DGLUCY: variants seen among roughly 807,000 people sequenced by gnomAD.
The protein encoded by DGLUCY is D-glutamate cyclase, mitochondrial.
DGLUCY carries 58 observed loss-of-function variants against 58.5 expected under a neutral mutation model. That is an observed-to-expected ratio of 0.99 (90% CI 0.80 to 1.23). The LOEUF is 1.23. Among genes scored for constraint, DGLUCY ranks in the 50% most tolerant of loss-of-function variants. DGLUCY has a pLI of 0.00. For missense variants in DGLUCY, 779 were observed against 784.7 expected (o/e 0.99, Z 0.09); for synonymous variants, 325 against 314.1 (o/e 1.03, Z -0.37).
intron 1 of DGLUCY, among the ~76,000 whole-genome samples, chr14:91,101,057 C>T (rs1046285839): frequency 6.0e-5 from 9 of 151,240 alleles, no homozygotes; most frequent in Non-Finnish European, 1.0e-4. Flanking sequence ...GGCAACAGAG[C>T]GAGACTCCAT....
At chr14:91,136,511 C>A (rs2046344785) in intron 1 of DGLUCY, among the ~76,000 whole-genome samples, 1 of 151,508 alleles carries the variant, frequency 6.6e-6, no homozygotes, top group East Asian at 2.0e-4. Context: ...GGTGAAAACC[C>A]CTTGTCTACT....
chr14:91,086,943 G>A (rs1055016000), intron 1 of DGLUCY, among the ~76,000 whole-genome samples: 9 of 152,068 alleles, frequency 5.9e-5, no homozygotes, highest in African/African-American at 1.9e-4. Flanking sequence ...GGTAGAGATG[G>A]GGTTTCACCA....
At chr14:91,181,538 A>C in intron 8 of DGLUCY, 149 bp downstream of exon 8, 1 of 756,156 alleles carries the variant, frequency 1.3e-6, no homozygotes, top group Non-Finnish European at 2.1e-6. Flanking sequence ...TATAAATCTC[A>C]AAAAGACTAG....
intron 1 of DGLUCY, among the ~76,000 whole-genome samples, chr14:91,142,419 A>G (rs2046752510): frequency 6.6e-6 from 1 of 152,142 alleles, no homozygotes; most frequent in African/African-American, 2.4e-5. Flanking sequence ...ACTCTTTAGT[A>G]ACAGAAGACT....
intron 1 of DGLUCY, among the ~76,000 whole-genome samples, chr14:91,129,184 T>C (rs148925214): frequency 2.0e-5 from 3 of 152,264 alleles, no homozygotes; most frequent in African/African-American, 7.2e-5. Context: ...TCTATATACA[T>C]ATAAGCCATA....
intron 11 of DGLUCY, among the ~76,000 whole-genome samples, chr14:91,202,107 AAACTTTGTACTTTTCCAAGAG>A (rs2050611882): frequency 8.2e-6 from 1 of 122,276 alleles, no homozygotes; most frequent in South Asian, 2.5e-4. Flanking sequence ...TGTTTGCACA[AAACTTTGTACTTTTCCAAGAG>A]GCTTCACATT....
intron 5 of DGLUCY, 146 bp from the exon 6 acceptor site, chr14:91,173,143 C>T: frequency 1.1e-6 from 1 of 896,370 alleles, no homozygotes; most frequent in Non-Finnish European, 1.7e-6. Flanking sequence ...CTCCCTCTCT[C>T]TATGTCACAT....
upstream of DGLUCY, among the ~76,000 whole-genome samples, chr14:91,105,275 AC>A (rs947287020): frequency 6.6e-6 from 1 of 152,130 alleles, no homozygotes; most frequent in Non-Finnish European, 1.5e-5. Flanking sequence ...AAATCTCACC[AC>A]TGCACTCCAG....
chr14:91,116,449 G>A (rs2044948453), intron 1 of DGLUCY, among the ~76,000 whole-genome samples: 1 of 152,190 alleles, frequency 6.6e-6, no homozygotes, highest in Admixed American at 6.5e-5. Flanking sequence ...GGAAGACCAA[G>A]CTGTGTCTTT....
upstream of DGLUCY, among the ~76,000 whole-genome samples, chr14:91,111,716 A>C (rs1258821571): frequency 6.6e-6 from 1 of 152,252 alleles, no homozygotes; most frequent in East Asian, 1.9e-4. Flanking sequence ...TTGGGGCCTC[A>C]ATGCCATCAT....
intron 10 of DGLUCY, among the ~76,000 whole-genome samples, chr14:91,198,030 G>A (rs557167205): frequency 3.9e-5 from 6 of 152,296 alleles, no homozygotes; most frequent in African/African-American, 1.4e-4. Context: ...TGAGAGAGAT[G>A]TAAAAGTACA....
At chr14:91,118,346 C>T (rs749447055) in intron 1 of DGLUCY, among the ~76,000 whole-genome samples, 6 of 151,982 alleles carry the variant, frequency 3.9e-5, no homozygotes, top group African/African-American at 1.5e-4. Flanking sequence ...CCACCTGCCT[C>T]GGCCTCCTGA....
chr14:91,201,921 G>A (rs2050587689), intron 11 of DGLUCY, among the ~76,000 whole-genome samples: 1 of 151,934 alleles, frequency 6.6e-6, no homozygotes, highest in Non-Finnish European at 1.5e-5. Context: ...CAGGCATGGT[G>A]GTGGGCTCCT....
intron 1 of DGLUCY, among the ~76,000 whole-genome samples, chr14:91,100,273 G>A (rs959523369): frequency 6.6e-6 from 1 of 152,096 alleles, no homozygotes; most frequent in African/African-American, 2.4e-5. Context: ...GTGGGTGTTA[G>A]GGGCTATTTT....
At chr14:91,169,430 G>T (rs576357423) in intron 4 of DGLUCY, among the ~76,000 whole-genome samples, 1 of 150,198 alleles carries the variant, frequency 6.7e-6, no homozygotes, top group African/African-American at 2.4e-5. Flanking sequence ...TTTCTTTGAG[G>T]CAGTCTCACT....
chr14:91,112,442 T>C (rs1169180093), upstream of DGLUCY, among the ~76,000 whole-genome samples: 1 of 151,932 alleles, frequency 6.6e-6, no homozygotes, highest in Non-Finnish European at 1.5e-5. Flanking sequence ...AGAACACACG[T>C]GATGGGTAGC....
chr14:91,144,008 G>A (rs981959569), intron 1 of DGLUCY, among the ~76,000 whole-genome samples: 4 of 152,254 alleles, frequency 2.6e-5, no homozygotes, highest in South Asian at 2.1e-4. Flanking sequence ...GTTCCTCTGT[G>A]TAAGATCTCC....
chr14:91,128,709 T>A (rs188212324), intron 1 of DGLUCY: 6 of 152,098 alleles, frequency 3.9e-5, no homozygotes, highest in African/African-American at 1.4e-4. Context: ...AGGCTGATTT[T>A]CATGGAGCTC....
chr14:91,216,665 C>G (rs1475787176), intron 13 of DGLUCY, among the ~76,000 whole-genome samples: 1 of 147,528 alleles, frequency 6.8e-6, no homozygotes, highest in Non-Finnish European at 1.5e-5. Context: ...AAAAAAGAAT[C>G]CCTGGGAAGG....
Sources: allele counts gnomAD v4.1 joint callset (sites outside exome capture counted in the v4.1 genomes callset), GRCh38; gene constraint gnomAD v4.1.1; transcripts MANE v1.5; gene names NCBI Gene and HGNC (gene_info 2026-07-23, HGNC 2026-07-21).